Variants in CTTNBP2 observed in about 807,000 individuals in gnomAD.
CTTNBP2 encodes the protein cortactin-binding protein 2.
CTTNBP2 carries 108 observed loss-of-function variants against 156.9 expected under a neutral mutation model. The ratio of observed to expected loss-of-function variants is 0.69; its 90% CI spans 0.59 to 0.81. The LOEUF is 0.81. Among genes scored for constraint, CTTNBP2 ranks in the 30% least tolerant of loss-of-function variants. The pLI is 0.00. For synonymous variants in CTTNBP2, 767 were observed against 751.8 expected, an observed-to-expected ratio of 1.02 and a Z score of -0.33; for missense variants, 1,924 against 2,035.4, an observed-to-expected ratio of 0.95 and a Z score of 1.05.
At chr7:117,831,363 T>C (rs1209019466) in intron 2 of CTTNBP2, among the ~76,000 whole-genome samples, 2 of 149,336 alleles carry the variant, frequency 1.3e-5, no homozygotes, top group African/African-American at 2.5e-5. Flanking sequence ...GCTCTTAACA[T>C]TTCTCCAGAT....
rs1018832519 is a variant in CTTNBP2 at position 117,792,979 on chromosome 7, T to C, written c.415-198A>G. On this transcript the variant is annotated intron_variant, in intron 3 of 22. Transcript: ENST00000160373. This position sits in a 1 kb window ranked among gnomAD's most constrained non-coding sequence, Gnocchi z 4.2. ...AATGAGAAAATAGACGTAAATGGCT[T>C]TATAAAGACATCTAAATTACAACAA... Among the ~76,000 whole-genome samples the C allele has an allele frequency of 2.0e-5, 3 of 152,200 alleles. No individual in the cohort carries two copies. The highest frequency in any genetic ancestry group is 4.4e-5 in the Non-Finnish European group (3 of 68,038).
intron 3 of CTTNBP2, among the ~76,000 whole-genome samples, chr7:117,796,647 A>G (rs556375254): frequency 6.6e-6 from 1 of 152,328 alleles, no homozygotes; most frequent in South Asian, 2.1e-4. Flanking sequence ...AGTGCCCGGC[A>G]CTAAAAAATA....
intron 2 of CTTNBP2, among the ~76,000 whole-genome samples, chr7:117,853,037 C>T (rs1420701149): frequency 6.6e-6 from 1 of 152,050 alleles, no homozygotes; most frequent in Non-Finnish European, 1.5e-5. Context: ...AGAAATAATG[C>T]CTATGAAGTG....
intron 1 of CTTNBP2, among the ~76,000 whole-genome samples, chr7:117,867,036 T>A (rs541276116): frequency 6.1e-4 from 93 of 152,346 alleles, no homozygotes; most frequent in African/African-American, 2.2e-3. Flanking sequence ...ATGCAAAATA[T>A]TAAATTCACC....
intron 2 of CTTNBP2, among the ~76,000 whole-genome samples, chr7:117,819,348 T>C (rs1230891499): frequency 1.1e-5 from 1 of 94,158 alleles, no homozygotes; most frequent in East Asian, 4.2e-4. Flanking sequence ...ACTCTTTCTC[T>C]TTTCTCCTTC....
Position 117,710,736 on chromosome 7 carries a change from T to C in CTTNBP2, c.*801A>G, listed in dbSNP as rs1185162212. On this transcript the variant is annotated 3_prime_UTR_variant, in exon 23 of 23. Coordinates refer to ENST00000160373, the MANE Select transcript of CTTNBP2 (RefSeq NM_033427.3). ...TTTGTCTGTAATTTTAGAAGTAACA[T>C]TTGTAGAAAATATCAATATTATCAG... is the stretch of plus-strand genomic sequence containing the variant. 1 of 152,224 alleles carries C rather than the reference T, an allele frequency of 6.6e-6. No individual in the cohort carries two copies. Among genetic ancestry groups the C allele is most frequent in the Non-Finnish European group, 1.5e-5 (1 of 67,930 alleles). 9.4% of individuals were successfully genotyped at this position (152,224 alleles called of 1,614,324 possible). A position where few individuals can be genotyped will look rare whatever the true frequency, so the allele number is the denominator to read the frequency against.
At chr7:117,852,154 T>G (rs1186400370) in intron 2 of CTTNBP2, among the ~76,000 whole-genome samples, 4 of 152,044 alleles carry the variant, frequency 2.6e-5, no homozygotes. Flanking sequence ...CCCTCGCAAA[T>G]TCACTTCAAC....
At chr7:117,714,668 C>T (rs1412126327) in intron 22 of CTTNBP2, among the ~76,000 whole-genome samples, 1 of 152,142 alleles carries the variant, frequency 6.6e-6, no homozygotes, top group Non-Finnish European at 1.5e-5. Context: ...GTACCCAGAA[C>T]AACTAAAAAC....
At chr7:117,860,743 T>C (rs1375324760) in intron 2 of CTTNBP2, among the ~76,000 whole-genome samples, 1 of 152,182 alleles carries the variant, frequency 6.6e-6, no homozygotes, top group Non-Finnish European at 1.5e-5. Context: ...AAGGTATGGA[T>C]AAACATTTAC....
intron 2 of CTTNBP2, among the ~76,000 whole-genome samples, chr7:117,819,371 A>T (rs62471782): frequency 0.68 from 94,159 of 137,480 alleles, 30,521 homozygotes; most frequent in East Asian, 0.73. Flanking sequence ...TCTCTCTCAC[A>T]CACACACACA....
chr7:117,728,349 T>C, intron 16 of CTTNBP2, 82 bp from the exon 17 acceptor site: 1 of 1,046,808 alleles, frequency 9.6e-7, no homozygotes, highest in Non-Finnish European at 1.4e-6. Flanking sequence ...AATATAAAAC[T>C]TTAAATCAAA....
chr7:117,734,129 C>A (rs1456032558), intron 16 of CTTNBP2, among the ~76,000 whole-genome samples: 1 of 152,128 alleles, frequency 6.6e-6, no homozygotes, highest in Admixed American at 6.5e-5. Context: ...GGACCTGGGA[C>A]CTGAGACGTT....
At chr7:117,759,005 G>A (rs1013415670) in intron 10 of CTTNBP2, among the ~76,000 whole-genome samples, 1 of 152,160 alleles carries the variant, frequency 6.6e-6, no homozygotes, top group African/African-American at 2.4e-5. Context: ...TTGTTTATCA[G>A]ACCCTGGGCC....
intron 2 of CTTNBP2, among the ~76,000 whole-genome samples, chr7:117,859,101 G>T (rs1018359451): frequency 6.6e-6 from 1 of 152,052 alleles, no homozygotes; most frequent in Non-Finnish European, 1.5e-5. Flanking sequence ...TATTGGTTTT[G>T]TAATTTTTAA....
At chr7:117,746,332 C>G (rs555797936) in intron 12 of CTTNBP2, among the ~76,000 whole-genome samples, 11 of 152,154 alleles carry the variant, frequency 7.2e-5, no homozygotes, top group Non-Finnish European at 1.5e-4. Context: ...CATTTTTTCC[C>G]TCTATTTTCC....
chr7:117,753,494 G>A (rs2116606946), intron 12 of CTTNBP2, among the ~76,000 whole-genome samples: 1 of 152,242 alleles, frequency 6.6e-6, no homozygotes, highest in Non-Finnish European at 1.5e-5. Context: ...GCAATGACAT[G>A]GAATCAATCT....
At position 117,764,206 on chromosome 7, in the gene CTTNBP2, C is replaced by T. The variant is rs1797358062; in HGVS notation, c.2896+2853G>A. Among the ~76,000 whole-genome samples, 3 of 152,140 alleles carry T rather than the reference C, an allele frequency of 2.0e-5. No homozygotes were observed. In the South Asian group the frequency reaches 6.2e-4, roughly 31 times the overall value. On this transcript the variant is annotated intron_variant, in intron 9 of 22. Coordinates refer to ENST00000160373, the MANE Select transcript of CTTNBP2 (RefSeq NM_033427.3). ...TCTTACTTCCTCACTTACAATCGTT[C>T]AATTGTTCATTCATGTCCACAGGAT...
intron 17 of CTTNBP2, among the ~76,000 whole-genome samples, chr7:117,727,853 C>G (rs1381565689): frequency 6.6e-6 from 1 of 152,172 alleles, no homozygotes; most frequent in Non-Finnish European, 1.5e-5. Context: ...CCAAACATAA[C>G]TTGGATGAGA....
At chr7:117,807,052 C>T (rs931481441) in intron 3 of CTTNBP2, among the ~76,000 whole-genome samples, 3 of 152,018 alleles carry the variant, frequency 2.0e-5, no homozygotes, top group Non-Finnish European at 2.9e-5. Context: ...CCACCATGCC[C>T]GGCTGGCTCA....
Sources: gnomAD v4.1 joint callset for allele counts (sites outside exome capture counted in the v4.1 genomes callset) on GRCh38, gnomAD v4.1.1 for gene constraint, Gnocchi (gnomAD v3.1) non-coding constraint, MANE v1.5 for transcripts, NCBI Gene and HGNC (gene_info 2026-07-23, HGNC 2026-07-21) for gene names.